KCNAB1: variants seen among roughly 807,000 people sequenced by gnomAD.
The protein encoded by KCNAB1 is voltage-gated potassium channel subunit beta-1.
Under a neutral mutation model 64.6 loss-of-function variants are expected in KCNAB1, and 35 were observed. The observed-to-expected ratio is 0.54, with a 90% CI of 0.41 to 0.72. The LOEUF is 0.72. Among genes scored for constraint, KCNAB1 ranks in the 30% least tolerant of loss-of-function variants. KCNAB1 has a pLI of 0.00. For synonymous variants in KCNAB1, 177 were observed against 183.8 expected, an observed-to-expected ratio of 0.96 and a Z score of 0.30; for missense variants, 401 against 512.9, an observed-to-expected ratio of 0.78 and a Z score of 2.11.
chr3:156,176,637 A>C (rs1712390634), intron 1 of KCNAB1: 10 of 1,019,982 alleles, frequency 9.8e-6, no homozygotes, highest in Non-Finnish European at 1.4e-5. Context: ...TTCCACAACA[A>C]TATCAGTCGG....
rs1267978289 is a variant in KCNAB1, at chr3:156,120,740, A to C, written c.129A>C (p.Lys43Asn). Residue 43 changes from lysine (K) to asparagine (N), a missense_variant, in exon 1 of 14, where the codon AAA (lysine) becomes AAC (asparagine). Transcript: ENST00000490337. ...KSPKKASENA[K>N]DSSLSPSGES... ...CCAAGAAAGCCTCAGAAAACGCTAA[A>C]GACAGCAGCCTTAGTCCCTCAGGGG... The C allele has an allele frequency of 1.2e-6, 2 of 1,614,144 alleles. No homozygotes were observed. The highest frequency in any genetic ancestry group is 4.5e-5 in the East Asian group (2 of 44,900).
intron 1 of KCNAB1, among the ~76,000 whole-genome samples, chr3:156,307,811 G>A (rs1721607811): frequency 6.6e-6 from 1 of 152,160 alleles, no homozygotes; most frequent in South Asian, 2.1e-4. Context: ...TCAGAATACA[G>A]TAAGGCTGTA....
At chr3:156,286,400 C>A (rs1460497864) in intron 1 of KCNAB1, among the ~76,000 whole-genome samples, 7 of 152,178 alleles carry the variant, frequency 4.6e-5, no homozygotes, top group Non-Finnish European at 8.8e-5. Flanking sequence ...CTAATATTAG[C>A]ATTCTTTTCT....
At chr3:156,393,266 T>C (rs1466662745) in intron 1 of KCNAB1, among the ~76,000 whole-genome samples, 2 of 152,182 alleles carry the variant, frequency 1.3e-5, no homozygotes, top group African/African-American at 4.8e-5. Context: ...GCTGAACTTA[T>C]TTGTAAGGAG....
chr3:156,390,940 G>A (rs965741691), intron 1 of KCNAB1, among the ~76,000 whole-genome samples: 2 of 152,190 alleles, frequency 1.3e-5, no homozygotes, highest in Non-Finnish European at 2.9e-5. Context: ...TCCCAGTTGC[G>A]AGTGTTCCCA....
chr3:156,524,092 G>T (rs1404855303), intron 12 of KCNAB1, 145 bp downstream of exon 12: 2 of 841,932 alleles, frequency 2.4e-6, no homozygotes, highest in East Asian at 2.9e-5. Context: ...TAAATATAAA[G>T]TGAGTTATTT....
intron 5 of KCNAB1, among the ~76,000 whole-genome samples, chr3:156,462,102 T>C (rs1361541562): frequency 6.6e-6 from 1 of 152,234 alleles, no homozygotes; most frequent in Non-Finnish European, 1.5e-5. Context: ...GCAAAAGCAT[T>C]TTGAAGGCTG....
At chr3:156,287,457 G>GA (rs1720163344) in intron 1 of KCNAB1, among the ~76,000 whole-genome samples, 2 of 151,942 alleles carry the variant, frequency 1.3e-5, no homozygotes, top group African/African-American at 2.4e-5. Context: ...AAGAAGTGGT[G>GA]ATTTTCAAGA....
chr3:156,480,022 C>T (rs1346068008), intron 8 of KCNAB1, among the ~76,000 whole-genome samples: 2 of 152,098 alleles, frequency 1.3e-5, no homozygotes, highest in Non-Finnish European at 2.9e-5. Flanking sequence ...AAGCAAAAAA[C>T]ATTGCAGTAT....
intron 2 of KCNAB1, chr3:156,441,440 C>A (rs1267130700): frequency 6.6e-6 from 1 of 151,558 alleles, no homozygotes; most frequent in African/African-American, 2.4e-5. Flanking sequence ...TGTGGAAAAC[C>A]AAAAGATAAA....
At chr3:156,355,463 C>T (rs1413490896) in intron 1 of KCNAB1, among the ~76,000 whole-genome samples, 1 of 152,114 alleles carries the variant, frequency 6.6e-6, no homozygotes, top group African/African-American at 2.4e-5. Flanking sequence ...ACTCCATTTG[C>T]CTGCTTGCAA....
At chr3:156,163,156 C>T (rs1042329932) in intron 1 of KCNAB1, among the ~76,000 whole-genome samples, 5 of 152,112 alleles carry the variant, frequency 3.3e-5, no homozygotes, top group Non-Finnish European at 7.4e-5. Context: ...AATTCAGTTT[C>T]GTCAGTGGCA....
intron 1 of KCNAB1, among the ~76,000 whole-genome samples, chr3:156,228,469 C>T (rs1241220733): frequency 2.0e-5 from 3 of 152,160 alleles, no homozygotes; most frequent in Admixed American, 6.5e-5. Flanking sequence ...CATGTGTGGT[C>T]GAAAGCAAGC....
chr3:156,144,514 C>T lies in KCNAB1; in HGVS notation c.275+23628C>T, dbSNP rs191764419. 9.8e-5 allele frequency among the ~76,000 whole-genome samples: 15 copies of T among 152,286 alleles called. No homozygotes were observed. In the East Asian group the frequency reaches 2.1e-3, roughly 22 times the overall value. ...CAATTTATAAGGAGGATAGGACAGC[C>T]TACCACATCCTGCTTTAGAAGGGGA... is the stretch of plus-strand genomic sequence containing the variant. On this transcript the variant is annotated intron_variant, in intron 1 of 13. Transcript: ENST00000490337.
intron 1 of KCNAB1, among the ~76,000 whole-genome samples, chr3:156,329,281 A>C (rs1702952085): frequency 1.3e-5 from 2 of 152,150 alleles, no homozygotes; most frequent in South Asian, 4.1e-4. Context: ...TAATGTGGAC[A>C]TAAGATAAAG....
intron 1 of KCNAB1, among the ~76,000 whole-genome samples, chr3:156,217,373 C>A (rs868596379): frequency 1.3e-4 from 20 of 152,214 alleles, no homozygotes; most frequent in Middle Eastern, 3.4e-3. Flanking sequence ...AGTTTCATGT[C>A]ACATTATGTT....
intron 1 of KCNAB1, among the ~76,000 whole-genome samples, chr3:156,232,886 G>T (rs1323520999): frequency 2.0e-5 from 3 of 152,158 alleles, no homozygotes; most frequent in Non-Finnish European, 4.4e-5. Context: ...AAATAGTAGA[G>T]AAAGTTTTCT....
chr3:156,276,709 T>C (rs892350052), intron 1 of KCNAB1, among the ~76,000 whole-genome samples: 2 of 152,182 alleles, frequency 1.3e-5, no homozygotes, highest in Admixed American at 1.3e-4. Context: ...AAACTTTTCA[T>C]CTGTAGCTTT....
chr3:156,531,380 T>C (rs763065709), intron 12 of KCNAB1, 29 bp from the exon 13 acceptor site: 3 of 1,545,702 alleles, frequency 1.9e-6, no homozygotes, highest in Non-Finnish European at 2.7e-6. Flanking sequence ...AGTGCTTTGA[T>C]AAACTGACCC....
Sources: gnomAD v4.1 joint callset for allele counts (sites outside exome capture counted in the v4.1 genomes callset) on GRCh38, gnomAD v4.1.1 for gene constraint, MANE v1.5 for transcripts, NCBI Gene and HGNC (gene_info 2026-07-23, HGNC 2026-07-21) for gene names.